The following DCDC2C variants were observed in gnomAD, a reference collection of about 807,000 sequenced individuals.
The protein encoded by DCDC2C is doublecortin domain-containing protein 2C.
A neutral mutation model predicts 45.0 loss-of-function variants in DCDC2C; 44 were observed. That is an observed-to-expected ratio of 0.98 (90% confidence interval 0.77 to 1.26). The LOEUF is 1.26. DCDC2C is among the 50% of genes most tolerant of loss of function. The pLI is 0.00. For missense variants in DCDC2C, 447 were observed against 468.9 expected, an observed-to-expected ratio of 0.95 and a Z score of 0.43; for synonymous variants, 187 against 178.8, an observed-to-expected ratio of 1.05 and a Z score of -0.37.
At chr2:3,838,140 C>T (rs567496033) in intron 10 of DCDC2C, among the ~76,000 whole-genome samples, 43 of 151,962 alleles carry the variant, frequency 2.8e-4, no homozygotes, top group African/African-American at 1.0e-3. Context: ...AAGGCATGTC[C>T]GGGGCAGGCA....
At chr2:3,721,357 A>T (rs74692971) in intron 2 of DCDC2C, among the ~76,000 whole-genome samples, 2 of 152,150 alleles carry the variant, frequency 1.3e-5, no homozygotes, top group African/African-American at 2.4e-5. Flanking sequence ...TTCATCCTGC[A>T]TGGTGCTGAA....
At chr2:3,769,133 A>T in intron 7 of DCDC2C, 178 bp from the exon 8 acceptor site, 1 of 579,454 alleles carries the variant, frequency 1.7e-6, no homozygotes, top group Non-Finnish European at 3.1e-6. Context: ...GCAGATGCAA[A>T]CAGGAAGGGC....
rs987364157 is a variant in DCDC2C at position 3,847,787 on chromosome 2, T to A, written c.*604T>A. 1.3e-5 allele frequency among the ~76,000 whole-genome samples: 2 copies of A among 152,184 alleles called. No homozygotes were observed. Among genetic ancestry groups the A allele is most frequent in the Non-Finnish European group, 2.9e-5 (2 of 68,032 alleles). On this transcript the variant is annotated 3_prime_UTR_variant, in exon 11 of 11. Coordinates refer to ENST00000399143, the MANE Select transcript of DCDC2C (RefSeq NM_001287444.2). ...TCATGGGGGTGGTCTTCCCCCTTGC[T>A]GTTCTCGTGATAGTGAGTGAGTGCT...
At chr2:3,759,149 T>A (rs908842189) in intron 6 of DCDC2C, among the ~76,000 whole-genome samples, 26 of 152,186 alleles carry the variant, frequency 1.7e-4, no homozygotes, top group African/African-American at 6.3e-4. Context: ...GGGCGGGGCA[T>A]CCTTCCCACG....
At chr2:3,780,117 G>T (rs1670470103) in intron 9 of DCDC2C, among the ~76,000 whole-genome samples, 2 of 152,184 alleles carry the variant, frequency 1.3e-5, no homozygotes, top group Admixed American at 6.5e-5. Flanking sequence ...GAAGAGCAAA[G>T]ACAGTTTTTT....
At chr2:3,763,341 C>T (rs1045032067) in intron 6 of DCDC2C, among the ~76,000 whole-genome samples, 4 of 152,182 alleles carry the variant, frequency 2.6e-5, no homozygotes, top group South Asian at 2.1e-4. Flanking sequence ...GGTGGGCCCG[C>T]GACCCAGCGC....
At chr2:3,716,936 C>T (rs759372088) in intron 2 of DCDC2C, among the ~76,000 whole-genome samples, 1 of 152,186 alleles carries the variant, frequency 6.6e-6, no homozygotes, top group Non-Finnish European at 1.5e-5. Context: ...GTTTACCCAT[C>T]CATCAGGTGG....
chr2:3,819,636 C>G (rs942555990), intron 10 of DCDC2C, among the ~76,000 whole-genome samples: 1 of 152,188 alleles, frequency 6.6e-6, no homozygotes, highest in Non-Finnish European at 1.5e-5. Context: ...GCCTTCTCAC[C>G]TTTCAGGGTC....
chr2:3,808,642 G>A (rs73146862), intron 10 of DCDC2C, among the ~76,000 whole-genome samples: 4,998 of 152,164 alleles, frequency 0.033, 280 homozygotes, highest in African/African-American at 0.11. Flanking sequence ...TGCCTGCCTC[G>A]GCCTCCCAAA....
chr2:3,791,064 G>A (rs574952367), intron 10 of DCDC2C, among the ~76,000 whole-genome samples: 28 of 152,224 alleles, frequency 1.8e-4, no homozygotes, highest in African/African-American at 3.6e-4. Flanking sequence ...AGCCGAGATC[G>A]CGCCACTGCA....
chr2:3,717,978 C>T (rs1163965998), intron 2 of DCDC2C, among the ~76,000 whole-genome samples: 5 of 152,222 alleles, frequency 3.3e-5, no homozygotes, highest in Non-Finnish European at 7.3e-5. Flanking sequence ...TGTTCCTCTC[C>T]CATGCTTCCA....
intron 2 of DCDC2C, among the ~76,000 whole-genome samples, chr2:3,718,142 A>G (rs1043721830): frequency 3.9e-5 from 6 of 152,218 alleles, no homozygotes; most frequent in African/African-American, 1.2e-4. Context: ...AGTTCCTACC[A>G]TCAGAGGTGG....
Position 3,808,486 on chromosome 2 carries a change from G to T in DCDC2C, c.1065+23386G>T, listed in dbSNP as rs181619163. ...GGCTCACTGCAACCTCTGCCTCCCA[G>T]GTTGAAGCAATTCTCCTGCCTCAGC... On this transcript the variant is annotated intron_variant, in intron 10 of 10. Transcript: ENST00000399143. Among the ~76,000 whole-genome samples the T allele has an allele frequency of 2.8e-3, 433 of 152,170 alleles. 3 individuals are homozygous for T. Among genetic ancestry groups the T allele is most frequent in the African/African-American group, 8.8e-3 (367 of 41,516 alleles).
chr2:3,712,589 T>G (rs762138119), intron 2 of DCDC2C, among the ~76,000 whole-genome samples: 1 of 152,056 alleles, frequency 6.6e-6, no homozygotes, highest in Non-Finnish European at 1.5e-5. Flanking sequence ...TGAGCTATGA[T>G]TGCACAACTG....
At chr2:3,744,819 G>C (rs1038188436) in intron 4 of DCDC2C, among the ~76,000 whole-genome samples, 2 of 152,202 alleles carry the variant, frequency 1.3e-5, no homozygotes, top group Admixed American at 6.5e-5. Flanking sequence ...CGAGCAGGTG[G>C]AAGTTAGATG....
intron 8 of DCDC2C, among the ~76,000 whole-genome samples, chr2:3,778,540 A>G (rs1159374204): frequency 6.6e-6 from 1 of 152,168 alleles, no homozygotes; most frequent in African/African-American, 2.4e-5. Context: ...AAGAATTACA[A>G]AAGCACCTGC....
chr2:3,773,425 G>C (rs899991476), intron 8 of DCDC2C, among the ~76,000 whole-genome samples: 2 of 152,098 alleles, frequency 1.3e-5, no homozygotes, highest in African/African-American at 4.8e-5. Context: ...GATGCGCGGG[G>C]GTGCATGGCC....
chr2:3,719,033 T>G (rs2148058142), intron 2 of DCDC2C, among the ~76,000 whole-genome samples: 1 of 152,258 alleles, frequency 6.6e-6, no homozygotes, highest in East Asian at 1.9e-4. Context: ...TCCAGCTGGC[T>G]TCACCTCTCA....
intron 10 of DCDC2C, among the ~76,000 whole-genome samples, chr2:3,807,495 G>C (rs1474538245): frequency 6.6e-6 from 1 of 152,082 alleles, no homozygotes; most frequent in Non-Finnish European, 1.5e-5. Flanking sequence ...TCAGTTTTAT[G>C]ATTCTCATAT....
Sources: allele counts gnomAD v4.1 joint callset (sites outside exome capture counted in the v4.1 genomes callset), GRCh38; gene constraint gnomAD v4.1.1; transcripts MANE v1.5; gene names NCBI Gene and HGNC (gene_info 2026-07-23, HGNC 2026-07-21).